Variants in SCFD2 observed in about 807,000 individuals in gnomAD.
SCFD2 encodes the protein sec1 family domain-containing protein 2.
Under a neutral mutation model 58.9 loss-of-function variants are expected in SCFD2, and 54 were observed. The ratio of observed to expected loss-of-function variants is 0.92; its 90% CI spans 0.74 to 1.15. SCFD2 has a LOEUF of 1.15. Ranked by LOEUF, SCFD2 falls within the 50% of genes most tolerant of loss-of-function variation. SCFD2 has a pLI of 0.00. For synonymous variants in SCFD2, 321 were observed against 335.9 expected, an observed-to-expected ratio of 0.96 and a Z score of 0.49; for missense variants, 805 against 836.6, an observed-to-expected ratio of 0.96 and a Z score of 0.47.
chr4:52,964,668 T>C (rs979971459), intron 5 of SCFD2, among the ~76,000 whole-genome samples: 2 of 151,412 alleles, frequency 1.3e-5, no homozygotes, highest in Admixed American at 6.7e-5. Flanking sequence ...CAAAGTAATA[T>C]TGACCTTGCG....
chr4:52,963,675 T>G (rs1476530154), intron 5 of SCFD2, among the ~76,000 whole-genome samples: 3 of 152,204 alleles, frequency 2.0e-5, no homozygotes, highest in Admixed American at 1.3e-4. Context: ...GATTATTTAT[T>G]TTTCCTCAGG....
chr4:53,002,444 C>G (rs1294968350), intron 5 of SCFD2, among the ~76,000 whole-genome samples: 3 of 152,118 alleles, frequency 2.0e-5, no homozygotes. Context: ...CTATGAACAA[C>G]AGCAGCCTTG....
At chr4:53,055,217 G>C (rs1259937915) in intron 5 of SCFD2, among the ~76,000 whole-genome samples, 1 of 152,140 alleles carries the variant, frequency 6.6e-6, no homozygotes, top group African/African-American at 2.4e-5. Context: ...TCAGGAAACT[G>C]ATGTTCCAAA....
intron 6 of SCFD2, among the ~76,000 whole-genome samples, chr4:52,915,222 C>T (rs997921658): frequency 3.3e-5 from 5 of 152,184 alleles, no homozygotes; most frequent in African/African-American, 4.8e-5. Flanking sequence ...TCCAAGAAAA[C>T]CCAGTTGTGG....
At chr4:53,136,348 T>C (rs1337465627) in intron 5 of SCFD2, among the ~76,000 whole-genome samples, 1 of 152,212 alleles carries the variant, frequency 6.6e-6, no homozygotes, top group African/African-American at 2.4e-5. Flanking sequence ...GTTGTCCTCA[T>C]GAGCAGAGCG....
At chr4:53,216,676 C>T (rs143709709) in intron 4 of SCFD2, among the ~76,000 whole-genome samples, 3,134 of 152,064 alleles carry the variant, frequency 0.021, 94 homozygotes, top group African/African-American at 0.064. Flanking sequence ...AGTTATTTCT[C>T]GCCTTCTGCT....
intron 5 of SCFD2, among the ~76,000 whole-genome samples, chr4:52,984,819 C>G (rs570159420): frequency 7.2e-5 from 11 of 152,332 alleles, no homozygotes; most frequent in African/African-American, 2.6e-4. Flanking sequence ...GGGCTGTCTT[C>G]AACTTTCCAA....
intron 8 of SCFD2, among the ~76,000 whole-genome samples, chr4:52,876,608 C>T (rs112050683): frequency 0.014 from 2,049 of 151,622 alleles, 26 homozygotes; most frequent in Non-Finnish European, 0.019. Context: ...AAATTAGGTG[C>T]GCGTGGCGGT....
At chr4:52,957,085 A>G (rs1189836678) in intron 5 of SCFD2, 1 of 152,198 alleles carries the variant, frequency 6.6e-6, no homozygotes, top group Non-Finnish European at 1.5e-5. Context: ...GACACCCCAC[A>G]ATTCCAGAAA....
intron 5 of SCFD2, among the ~76,000 whole-genome samples, chr4:53,126,280 A>G (rs1725624952): frequency 6.6e-6 from 1 of 152,168 alleles, no homozygotes; most frequent in Non-Finnish European, 1.5e-5. Context: ...AAGAACAGAC[A>G]CTTTTGCCAC....
chr4:53,153,786 T>C (rs1227000295), intron 4 of SCFD2, among the ~76,000 whole-genome samples: 1 of 152,190 alleles, frequency 6.6e-6, no homozygotes, highest in African/African-American at 2.4e-5. Context: ...CTTTAAGTAA[T>C]TTTTTTGCTC....
intron 4 of SCFD2, among the ~76,000 whole-genome samples, chr4:53,148,512 C>T (rs931085664): frequency 6.6e-6 from 1 of 152,162 alleles, no homozygotes; most frequent in African/African-American, 2.4e-5. Context: ...ATTCCAACCC[C>T]GATTGTTCCT....
At chr4:52,884,231 G>T (rs1333236220) in intron 8 of SCFD2, among the ~76,000 whole-genome samples, 1 of 152,190 alleles carries the variant, frequency 6.6e-6, no homozygotes, top group Non-Finnish European at 1.5e-5. Context: ...GGGGATGTGG[G>T]TAGATATGTG....
intron 4 of SCFD2, among the ~76,000 whole-genome samples, chr4:53,196,158 C>T (rs1288111910): frequency 6.6e-6 from 1 of 152,146 alleles, no homozygotes; most frequent in Non-Finnish European, 1.5e-5. Flanking sequence ...TGATCATTTT[C>T]TCCTTTGGCA....
chr4:53,286,320 C>G (rs1277685078), intron 3 of SCFD2, among the ~76,000 whole-genome samples: 1 of 152,092 alleles, frequency 6.6e-6, no homozygotes, highest in African/African-American at 2.4e-5. Flanking sequence ...GCCATGCACC[C>G]TGGTGCCTAA....
intron 5 of SCFD2, among the ~76,000 whole-genome samples, chr4:53,122,363 C>G (rs185490640): frequency 3.3e-4 from 50 of 151,270 alleles, no homozygotes; most frequent in Non-Finnish European, 6.3e-4. Context: ...GGTGACAGAG[C>G]GAGACTCCGT....
At chr4:53,303,118 A>C (rs1732374442) in intron 3 of SCFD2, among the ~76,000 whole-genome samples, 1 of 152,202 alleles carries the variant, frequency 6.6e-6, no homozygotes, top group Non-Finnish European at 1.5e-5. Context: ...ACTTAAACTA[A>C]AGAGCTTCTG....
intron 4 of SCFD2, among the ~76,000 whole-genome samples, chr4:53,248,971 T>C (rs923352843): frequency 6.6e-6 from 1 of 151,910 alleles, no homozygotes; most frequent in Non-Finnish European, 1.5e-5. Flanking sequence ...CTTTGATGAG[T>C]TGAGAGAAGA....
At chr4:52,928,284 T>C (rs933827132) in intron 5 of SCFD2, among the ~76,000 whole-genome samples, 3 of 152,180 alleles carry the variant, frequency 2.0e-5, no homozygotes, top group Non-Finnish European at 4.4e-5. Flanking sequence ...TACAGTGAGC[T>C]ATGATCACCA....
Sources: allele counts gnomAD v4.1 joint callset (sites outside exome capture counted in the v4.1 genomes callset), GRCh38; gene constraint gnomAD v4.1.1; transcripts MANE v1.5; gene names NCBI Gene and HGNC (gene_info 2026-07-23, HGNC 2026-07-21).